The following RBMS1 variants were observed in gnomAD, a reference collection of about 807,000 sequenced individuals.
The protein encoded by RBMS1 is RNA binding motif single stranded interacting protein 1.
In RBMS1, 17 loss-of-function variants were observed where a neutral mutation model predicts 62.3. That is an observed-to-expected ratio of 0.27 (90% CI 0.19 to 0.41). RBMS1 has a LOEUF of 0.41. Ranked by LOEUF, RBMS1 falls within the 10% of genes least tolerant of loss-of-function variation. The pLI, the probability that RBMS1 is intolerant of heterozygous loss-of-function variation, is 1.00. For missense variants in RBMS1, 334 were observed against 504.5 expected (o/e 0.66, Z 3.24); for synonymous variants, 172 against 170.0 (o/e 1.01, Z -0.09).
At chr2:160,326,200 G>C (rs934162409) in intron 2 of RBMS1, among the ~76,000 whole-genome samples, 10 of 152,156 alleles carry the variant, frequency 6.6e-5, no homozygotes, top group African/African-American at 2.2e-4. Flanking sequence ...AGTCAAGAAA[G>C]GAGAGATCAA....
chr2:160,330,426 C>T (rs1691198687), intron 2 of RBMS1, among the ~76,000 whole-genome samples: 1 of 152,098 alleles, frequency 6.6e-6, no homozygotes, highest in African/African-American at 2.4e-5. Flanking sequence ...TGTCCCAAAG[C>T]TCAGGGGGAT....
At chr2:160,466,735 T>C (rs534231084) in intron 1 of RBMS1, among the ~76,000 whole-genome samples, 2 of 152,210 alleles carry the variant, frequency 1.3e-5, no homozygotes, top group East Asian at 3.9e-4. Context: ...TAAAAGGAGA[T>C]AAAGAAAAAC....
intron 1 of RBMS1, among the ~76,000 whole-genome samples, chr2:160,486,119 G>A (rs942598848): frequency 4.0e-5 from 6 of 151,894 alleles, no homozygotes; most frequent in Non-Finnish European, 7.4e-5. Flanking sequence ...GGTAAGGGAG[G>A]GTTTAGGGGT....
intron 6 of RBMS1, among the ~76,000 whole-genome samples, chr2:160,294,956 G>T (rs1688858496): frequency 6.9e-6 from 1 of 144,922 alleles, no homozygotes; most frequent in African/African-American, 2.6e-5. Context: ...GGGATATAAA[G>T]AAAGAACAGT....
chr2:160,461,145 G>A (rs1398457218), intron 1 of RBMS1, among the ~76,000 whole-genome samples: 1 of 151,918 alleles, frequency 6.6e-6, no homozygotes, highest in Non-Finnish European at 1.5e-5. Flanking sequence ...AGCAACAAAG[G>A]GACTGAGGTG....
intron 4 of RBMS1, among the ~76,000 whole-genome samples, chr2:160,312,794 C>A (rs1689998889): frequency 1.3e-5 from 2 of 150,450 alleles, no homozygotes; most frequent in African/African-American, 4.9e-5. Context: ...GAAGTGTATT[C>A]ATTCCCTGGG....
At chr2:160,443,028 A>C (rs1322720608) in intron 1 of RBMS1, among the ~76,000 whole-genome samples, 1 of 152,102 alleles carries the variant, frequency 6.6e-6, no homozygotes, top group Non-Finnish European at 1.5e-5. Flanking sequence ...CAACATGGTT[A>C]AATCCCATCT....
intron 1 of RBMS1, among the ~76,000 whole-genome samples, chr2:160,438,657 C>T (rs992375879): frequency 2.8e-4 from 42 of 152,312 alleles, no homozygotes; most frequent in African/African-American, 9.9e-4. Flanking sequence ...CCATGTCTAC[C>T]TCTTTCTACA....
chr2:160,456,026 G>A (rs1257383004), intron 1 of RBMS1, among the ~76,000 whole-genome samples: 1 of 152,158 alleles, frequency 6.6e-6, no homozygotes, highest in Non-Finnish European at 1.5e-5. Flanking sequence ...CATGATAAAA[G>A]CAATATTTGG....
rs1473236008 is a variant in RBMS1 at position 160,286,413 on chromosome 2, G to A, written c.756+556C>T. Among the ~76,000 whole-genome samples, 4 of 148,182 alleles carry A rather than the reference G, an allele frequency of 2.7e-5. No individual in the cohort carries two copies. In the South Asian group the frequency reaches 6.5e-4, roughly 24 times the overall value. On this transcript the variant is annotated intron_variant, in intron 7 of 13. Transcript: ENST00000348849. ...TGGAACACTGCAGCCTCTGCCTCCC[G>A]GGCTGCAGCGATTCTCCTGCCTCAG...
Position 160,287,027 on chromosome 2 carries a change from T to G in RBMS1, c.698A>C (p.Asn233Thr), listed in dbSNP as rs768695390. The G allele has an allele frequency of 8.1e-6, 13 of 1,613,378 alleles. No individual in the cohort carries two copies. Among genetic ancestry groups the G allele is most frequent in the Non-Finnish European group, 1.1e-5 (13 of 1,179,934 alleles). ...TCCATTAGGGATGTATTTGTTTGGG[T>G]TCTGTCTCTTTTTCTGTCCTCCATC... ...FADGGQKKRQ[N>T]PNKYIPNGRP... The change falls in exon 7 of 14, where the codon AAC (asparagine) becomes ACC (threonine). Residue 233 changes from asparagine to threonine, a missense_variant. Asn to Thr is a moderately conservative substitution (Grantham distance 65). Transcript: ENST00000348849.
intron 2 of RBMS1, among the ~76,000 whole-genome samples, chr2:160,326,003 C>T (rs2105978229): frequency 6.6e-6 from 1 of 152,260 alleles, no homozygotes; most frequent in East Asian, 1.9e-4. Flanking sequence ...TAGATAGCTG[C>T]CCCTTCCACT....
At chr2:160,398,998 A>C (rs1380746031) in intron 1 of RBMS1, among the ~76,000 whole-genome samples, 1 of 152,174 alleles carries the variant, frequency 6.6e-6, no homozygotes, top group Non-Finnish European at 1.5e-5. Context: ...CCATTTTAGC[A>C]AGCTTGCTCC....
At chr2:160,464,056 G>T (rs1410679134) in intron 1 of RBMS1, among the ~76,000 whole-genome samples, 1 of 152,062 alleles carries the variant, frequency 6.6e-6, no homozygotes, top group African/African-American at 2.4e-5. Flanking sequence ...ATGGAGCAAA[G>T]TGCTCTCCTA....
intron 1 of RBMS1, among the ~76,000 whole-genome samples, chr2:160,486,362 T>A (rs943965580): frequency 2.7e-4 from 41 of 152,146 alleles, no homozygotes; most frequent in African/African-American, 9.2e-4. Context: ...CCATTCTAAG[T>A]ATTCAGTTTT....
At chr2:160,287,890 A>G (rs991091568) in intron 6 of RBMS1, among the ~76,000 whole-genome samples, 19 of 151,156 alleles carry the variant, frequency 1.3e-4, no homozygotes, top group African/African-American at 4.4e-4. Context: ...ATATACCACT[A>G]TATATAGATC....
At chr2:160,353,968 G>A (rs1212327872) in intron 2 of RBMS1, among the ~76,000 whole-genome samples, 3 of 152,078 alleles carry the variant, frequency 2.0e-5, no homozygotes, top group Admixed American at 6.6e-5. Context: ...GGAAACTGGG[G>A]CACAGAGAGG....
At chr2:160,422,189 CCTT>C (rs1338364693) in intron 1 of RBMS1, among the ~76,000 whole-genome samples, 1 of 152,180 alleles carries the variant, frequency 6.6e-6, no homozygotes, top group Non-Finnish European at 1.5e-5. Flanking sequence ...CATTTATTTA[CCTT>C]CTTCTAATGC....
At chr2:160,414,222 A>ATT (rs1696133204) in intron 1 of RBMS1, among the ~76,000 whole-genome samples, 1 of 152,248 alleles carries the variant, frequency 6.6e-6, no homozygotes, top group South Asian at 2.1e-4. Context: ...AGGTATATAT[A>ATT]TTCAGCCCCA....
Sources: gnomAD v4.1 joint callset for allele counts (sites outside exome capture counted in the v4.1 genomes callset) on GRCh38, gnomAD v4.1.1 for gene constraint, MANE v1.5 for transcripts, NCBI Gene and HGNC (gene_info 2026-07-23, HGNC 2026-07-21) for gene names.